Variants in ACOX2 observed in about 807,000 individuals in gnomAD.
ACOX2 encodes the protein peroxisomal acyl-coenzyme A oxidase 2.
Under a neutral mutation model 77.5 loss-of-function variants are expected in ACOX2, and 59 were observed. The observed-to-expected ratio is 0.76, with a 90% CI of 0.62 to 0.95. The LOEUF is 0.95. Among genes scored for constraint, ACOX2 ranks in the 40% least tolerant of loss-of-function variants. The pLI is 0.00. For missense variants in ACOX2, 837 were observed against 880.4 expected (o/e 0.95, Z 0.62); for synonymous variants, 317 against 340.1 (o/e 0.93, Z 0.75).
Position 58,530,498 on chromosome 3 carries a change from C to T in ACOX2, c.960G>A (p.Ser320=), listed in dbSNP as rs763601666. 10 of 1,614,072 alleles carry T rather than the reference C, an allele frequency of 6.2e-6. No individual in the cohort carries two copies. The highest frequency in any genetic ancestry group is 5.0e-5 in the Admixed American group (3 of 60,000). ...GGAGCCGGGATTGGCGGCGGATGAC[C>T]GAGTAGCGCATGGCGATGACACAGG... ...QKACVIAMRY[S]VIRRQSRLRP... Residue 320 remains serine (S), a synonymous_variant, in exon 8 of 15, where the codon TCG becomes TCA. Transcript: ENST00000302819.
At chr3:58,509,451 T>C (rs7644314) in intron 13 of ACOX2, among the ~76,000 whole-genome samples, 148,966 of 151,700 alleles carry the variant, frequency 0.98, 73,192 homozygotes, top group East Asian at 1. Flanking sequence ...CACTTGAACC[T>C]AGGAGGCGGA....
chr3:58,531,634 G>A lies in ACOX2; in HGVS notation c.703+59C>T. ...TGTGGCCCTCTGGGGCCCCAGGTCA[G>A]GGAGGCCACCTGGGCTCTCCTCCTG... is the stretch of plus-strand genomic sequence containing the variant. On this transcript the variant is annotated intron_variant, in intron 6 of 14. Coordinates refer to ENST00000302819, the MANE Select transcript of ACOX2 (RefSeq NM_003500.4). This position sits in a 1 kb window ranked among gnomAD's most constrained non-coding sequence, Gnocchi z 5.8. 6.3e-7 allele frequency: 1 copy of A among 1,589,656 alleles called. No homozygotes were observed. Among genetic ancestry groups the A allele is most frequent in the Non-Finnish European group, 8.6e-7 (1 of 1,167,626 alleles).
rs761720501 is a variant in ACOX2 at position 58,517,207 on chromosome 3, G to A, written c.1849C>T (p.Arg617Trp). The A allele has an allele frequency of 2.0e-5, 32 of 1,613,560 alleles. No homozygotes were observed. Among genetic ancestry groups the A allele is most frequent in the African/African-American group, 1.3e-4 (10 of 74,906 alleles). ...TAYLDLLRLI[R>W]KDAILLTDAF... ...TGGTTTGAAGTCTCTGCCACTCACC[G>A]GATCAGGCGGAGCAGGTCCAGGTAG... The change falls in exon 13 of 15, where the codon CGG becomes TGG. Residue 617 changes from arginine (R) to tryptophan (W), a missense_variant and splice_region_variant. Transcript: ENST00000302819.
At position 58,531,259 on chromosome 3, in the gene ACOX2, A is replaced by C; in HGVS notation, c.811T>G (p.Phe271Val). 1 of 1,612,596 alleles carries C rather than the reference A, an allele frequency of 6.2e-7. No individual in the cohort carries two copies. Among genetic ancestry groups the C allele is most frequent in the South Asian group, 1.1e-5 (1 of 90,998 alleles). ...RVPRENMLSR[F>V]AQVLPDGTYV... ...CTCCCCAGATCTGTAACCTGTGCAAAGCGACTCAGCATGTTCTCCCTGGGG... is the reference window on the plus strand; with the variant it reads ...CTCCCCAGATCTGTAACCTGTGCAACGCGACTCAGCATGTTCTCCCTGGGG... Residue 271 changes from phenylalanine to valine, a missense_variant, in exon 7 of 15, where the codon TTT becomes GTT. Physicochemically the swap from Phe to Val is conservative, Grantham distance 50. Transcript: ENST00000302819. The surrounding 1 kb of genome is among the most constrained non-coding windows in gnomAD (Gnocchi z 5.8).
In ACOX2 at chr3:58,519,125, C is replaced by G. The variant is rs1186702963; in HGVS notation, c.1633-1702G>C. ...TTCGGCTGGGCGCGGTGGCTCACAC[C>G]TATATCCCAGCACTTTGGGAAGTTG... On this transcript the variant is annotated intron_variant, in intron 12 of 14. Transcript: ENST00000302819. The surrounding 1 kb of genome is among the most constrained non-coding windows in gnomAD (Gnocchi z 5.0). Among the ~76,000 whole-genome samples the G allele has an allele frequency of 4.6e-5, 7 of 151,742 alleles. No homozygotes were observed. The highest frequency in any genetic ancestry group is 2.0e-4 in the Admixed American group (3 of 15,242).
At position 58,508,084 on chromosome 3, in the gene ACOX2, A is replaced by T. The variant is rs537553968; in HGVS notation, c.1983+809T>A. Among the ~76,000 whole-genome samples, 19 of 152,356 alleles carry T rather than the reference A, an allele frequency of 1.2e-4. No homozygotes were observed. The South Asian group carries it at 3.9e-3, about 32-fold the overall frequency. On this transcript the variant is annotated intron_variant, in intron 14 of 14. Coordinates refer to ENST00000302819, the MANE Select transcript of ACOX2 (RefSeq NM_003500.4). ...TTTGATCATCTATGTAAAATCTGCT[A>T]TTAAATATTGGTTCCTCATATTCTA... is the stretch of plus-strand genomic sequence containing the variant.
At chr3:58,508,427 C>T (rs2063250009) in intron 14 of ACOX2, among the ~76,000 whole-genome samples, 1 of 152,204 alleles carries the variant, frequency 6.6e-6, no homozygotes, top group Non-Finnish European at 1.5e-5. Flanking sequence ...TCATCTCTAG[C>T]AGGCAATCAG....
At position 58,533,446 on chromosome 3, in the gene ACOX2, G is replaced by A. The variant is rs1290571422; in HGVS notation, c.582C>T (p.Asp194=). The change falls in exon 5 of 15, where the codon GAC becomes GAT. Residue 194 remains aspartate, a splice_region_variant and synonymous_variant. Transcript: ENST00000302819. The surrounding 1 kb of genome is among the most constrained non-coding windows in gnomAD (Gnocchi z 5.6). ...TLTATKWWPG[D]LGRSATHALV... ...GAAGGGGGGTGGATGTATACTCACA[G>A]TCTCCAGGCCACCATTTGGTGGCAG... 1 of 1,613,558 alleles carries A rather than the reference G, an allele frequency of 6.2e-7. No individual in the cohort carries two copies.
At position 58,524,364 on chromosome 3, in the gene ACOX2, G is replaced by A; in HGVS notation, c.1526+62C>T. 6.4e-7 allele frequency: 1 copy of A among 1,568,878 alleles called. No individual in the cohort carries two copies. Among genetic ancestry groups the A allele is most frequent in the Non-Finnish European group, 8.7e-7 (1 of 1,150,490 alleles). On this transcript the variant is annotated intron_variant, in intron 11 of 14. Coordinates refer to ENST00000302819, the MANE Select transcript of ACOX2 (RefSeq NM_003500.4). This position sits in a 1 kb window ranked among gnomAD's most constrained non-coding sequence, Gnocchi z 5.5. ...GAATGTCCACCCAACCAATCCAAAG[G>A]CCCTAGTGTGGCATGGAGCCTGTGC...
In ACOX2 at chr3:58,535,301, C is replaced by A. The variant is rs371024374; in HGVS notation, c.-91-104G>T. ...AATGCCACTCCACCTCCCCACTCCC[C>A]CTGTGGACACTGGCTGTGGACCAGG... is the stretch of plus-strand genomic sequence containing the variant. On this transcript the variant is annotated intron_variant, in intron 1 of 14. Transcript: ENST00000302819. The surrounding 1 kb of genome is among the most constrained non-coding windows in gnomAD (Gnocchi z 4.8). 3 of 631,688 alleles carry A rather than the reference C, an allele frequency of 4.7e-6. No homozygotes were observed. In the East Asian group the frequency reaches 8.2e-5, roughly 17 times the overall value. The allele number at this position is 631,688 out of a possible 1,614,324, so 39.1% of individuals were successfully genotyped here.
Position 58,533,281 on chromosome 3 carries a change from G to GT in ACOX2, c.583+163dup, listed in dbSNP as rs2063454464. 6.6e-6 allele frequency among the ~76,000 whole-genome samples: 1 copy of GT among 152,102 alleles called. No individual in the cohort carries two copies. The highest frequency in any genetic ancestry group is 2.4e-5 in the African/African-American group (1 of 41,412). On this transcript the variant is annotated intron_variant, in intron 5 of 14. Transcript: ENST00000302819. This position sits in a 1 kb window ranked among gnomAD's most constrained non-coding sequence, Gnocchi z 5.6. ...TTTAATATCCCACCTATTTTACAGA[G>GT]TAAGAACCTGAGGCTCAGGTTGGTG...
Position 58,534,172 on chromosome 3 carries a change from G to A in ACOX2, c.324-27C>T. On this transcript the variant is annotated intron_variant, in intron 3 of 14. Coordinates refer to ENST00000302819, the MANE Select transcript of ACOX2 (RefSeq NM_003500.4). The surrounding 1 kb of genome is among the most constrained non-coding windows in gnomAD (Gnocchi z 4.8). ...TGTTGGGGAGAGATGCTGTAGTTGA[G>A]TAGCTTATTGGAGACAGGGGCCCAG... The A allele has an allele frequency of 6.2e-7, 1 of 1,613,170 alleles. No homozygotes were observed. The highest frequency in any genetic ancestry group is 8.5e-7 in the Non-Finnish European group (1 of 1,179,694).
rs1577000692 is a variant in ACOX2 at position 58,531,617 on chromosome 3, T to C, written c.703+76A>G. On this transcript the variant is annotated intron_variant, in intron 6 of 14. Transcript: ENST00000302819. This position sits in a 1 kb window ranked among gnomAD's most constrained non-coding sequence, Gnocchi z 5.8. Reference sequence around the variant, plus strand: ...CATGTCTTAGCTACTCCTGTGGCCCTCTGGGGCCCCAGGTCAGGGAGGCCA... The same window carrying C: ...CATGTCTTAGCTACTCCTGTGGCCCCCTGGGGCCCCAGGTCAGGGAGGCCA... The C allele has an allele frequency of 2.5e-6, 4 of 1,569,178 alleles. No homozygotes were observed. The East Asian group carries it at 9.0e-5, about 35-fold the overall frequency.
Position 58,530,580 on chromosome 3 carries a change from A to G in ACOX2, c.878T>C (p.Met293Thr), listed in dbSNP as rs370811753. The G allele has an allele frequency of 5.3e-5, 86 of 1,614,118 alleles. No individual in the cohort carries two copies. The highest frequency in any genetic ancestry group is 7.2e-5 in the Non-Finnish European group (85 of 1,180,044). ...LGTAQSNYLP[M>T]VVVRVELLSG... ...CAGCAGCTCCACCCGCACCACCACC[A>G]TGGGAAGGTAGTTGCTCTGTGCTGT... is the stretch of plus-strand genomic sequence containing the variant. The change falls in exon 8 of 15, where the codon ATG becomes ACG. Residue 293 changes from methionine to threonine, a missense_variant. Transcript: ENST00000302819.
rs1357876081 is a variant in ACOX2, at chr3:58,534,606, G to A, written c.161-84C>T. On this transcript the variant is annotated intron_variant, in intron 2 of 14. Coordinates refer to ENST00000302819, the MANE Select transcript of ACOX2 (RefSeq NM_003500.4). The surrounding 1 kb of genome is among the most constrained non-coding windows in gnomAD (Gnocchi z 4.8). ...AATCTTCTCACCCACTTGCTTCATG[G>A]ATCTGGAAAGGAAGTCAGACATTAT... is the stretch of plus-strand genomic sequence containing the variant. The A allele has an allele frequency of 1.2e-6, 2 of 1,608,578 alleles. No individual in the cohort carries two copies. Among genetic ancestry groups the A allele is most frequent in the African/African-American group, 2.7e-5 (2 of 74,896 alleles).
At position 58,531,758 on chromosome 3, in the gene ACOX2, G is replaced by T; in HGVS notation, c.638C>A (p.Ala213Asp). 2 of 1,614,208 alleles carry T rather than the reference G, an allele frequency of 1.2e-6. No individual in the cohort carries two copies. The highest frequency in any genetic ancestry group is 2.2e-5 in the South Asian group (2 of 91,092). ...LVQAQLICSG[A>D]RRGMHAFIVP... is the part of the protein sequence containing the mutation. ...AATAAAAGCGTGCATGCCCCGCCTGGCTCCTGAGCAGATCAGCTGGGCCTG... is the reference window on the plus strand; with the variant it reads ...AATAAAAGCGTGCATGCCCCGCCTGTCTCCTGAGCAGATCAGCTGGGCCTG... The change falls in exon 6 of 15, where the codon GCC (alanine) becomes GAC (aspartate). Residue 213 changes from alanine to aspartate, a missense_variant. Transcript: ENST00000302819. The surrounding 1 kb of genome is among the most constrained non-coding windows in gnomAD (Gnocchi z 5.8).
At chr3:58,510,647 A>AT (rs2063272384) in intron 13 of ACOX2, among the ~76,000 whole-genome samples, 4 of 36,442 alleles carry the variant, frequency 1.1e-4, no homozygotes, top group Non-Finnish European at 1.5e-4. Context: ...AAAAAAAAAA[A>AT]AAAAAAAAAA....
At position 58,533,936 on chromosome 3, in the gene ACOX2, G is replaced by A. The variant is rs550329850; in HGVS notation, c.475+58C>T. The A allele has an allele frequency of 6.3e-6, 10 of 1,592,520 alleles. No homozygotes were observed. In the South Asian group the frequency reaches 9.0e-5, roughly 14 times the overall value. On this transcript the variant is annotated intron_variant, in intron 4 of 14. Coordinates refer to ENST00000302819, the MANE Select transcript of ACOX2 (RefSeq NM_003500.4). The surrounding 1 kb of genome is among the most constrained non-coding windows in gnomAD (Gnocchi z 5.6). ...CCTATGACTACCTAGATGTAAATGG[G>A]CCCTCTGGAGTTTTGCAGTGCACAA...
chr3:58,534,466 G>A lies in ACOX2; in HGVS notation c.217C>T (p.Gln73Ter). 1.2e-6 allele frequency: 2 copies of A among 1,614,176 alleles called. No homozygotes were observed. The highest frequency in any genetic ancestry group is 1.7e-6 in the Non-Finnish European group (2 of 1,180,030). ...ATGGCAGCCTTATAACGCTCATTCT[G>A]GGTCATGAAATAATTGTCCTTACAG... ...FSCKDNYFMT[Q>*]NERYKAAMRR... Residue 73 changes from glutamine to a stop codon, truncating the protein, a stop_gained, in exon 3 of 15, where the codon CAG (glutamine) becomes TAG (stop). Coordinates refer to ENST00000302819, the MANE Select transcript of ACOX2 (RefSeq NM_003500.4). LOFTEE classifies it high-confidence loss of function. This position sits in a 1 kb window ranked among gnomAD's most constrained non-coding sequence, Gnocchi z 4.8.
Sources: allele counts gnomAD v4.1 joint callset (sites outside exome capture counted in the v4.1 genomes callset), GRCh38; gene constraint gnomAD v4.1.1; non-coding constraint Gnocchi (gnomAD v3.1); transcripts MANE v1.5; gene names NCBI Gene and HGNC (gene_info 2026-07-23, HGNC 2026-07-21).